Variants in WASF2 observed in about 807,000 individuals in gnomAD.
WASF2 encodes WASP family member 2, also known as actin-binding protein WASF2.
A neutral mutation model predicts 45.0 loss-of-function variants in WASF2; 14 were observed. That is an observed-to-expected ratio of 0.31 (90% CI 0.21 to 0.49). The LOEUF is 0.49. Ranked by LOEUF, WASF2 falls within the 20% of genes least tolerant of loss-of-function variation. WASF2 has a pLI of 0.99. For synonymous variants in WASF2, 200 were observed against 236.3 expected (o/e 0.85, Z 1.41); for missense variants, 439 against 636.1 (o/e 0.69, Z 3.33).
chr1:27,452,366 A>T (rs538075054), intron 1 of WASF2, among the ~76,000 whole-genome samples: 9 of 151,866 alleles, frequency 5.9e-5, no homozygotes, highest in Admixed American at 5.9e-4. Context: ...TACAAAAATT[A>T]GCTGGGCGTG....
intron 1 of WASF2, among the ~76,000 whole-genome samples, chr1:27,486,650 G>A (rs142581833): frequency 4.7e-4 from 72 of 152,248 alleles, no homozygotes; most frequent in African/African-American, 1.6e-3. Context: ...TCAGCTGGGC[G>A]TGGTGGCTCA....
At position 27,478,120 on chromosome 1, in the gene WASF2, G is replaced by A. The variant is rs1423214995; in HGVS notation, c.-44+11866C>T. ...AGAGACTTGGGAGGCTGAGGCAGAA[G>A]AACTGCTTGAACCCGGGAGGCAGAG... On this transcript the variant is annotated intron_variant, in intron 1 of 8. Transcript: ENST00000618852. 7.3e-5 allele frequency among the ~76,000 whole-genome samples: 11 copies of A among 150,956 alleles called. No homozygotes were observed. In the Admixed American group the frequency reaches 7.3e-4, roughly 10 times the overall value.
chr1:27,462,171 T>G (rs1481273391), intron 1 of WASF2, among the ~76,000 whole-genome samples: 3 of 151,414 alleles, frequency 2.0e-5, no homozygotes, highest in African/African-American at 7.3e-5. Context: ...AGAGATGGGG[T>G]TTCTCCATGC....
chr1:27,454,088 C>A (rs1456085720), intron 1 of WASF2, among the ~76,000 whole-genome samples: 1 of 141,640 alleles, frequency 7.1e-6, no homozygotes, highest in Non-Finnish European at 1.5e-5. Context: ...TCATATGACT[C>A]TAATATATAT....
intron 1 of WASF2, among the ~76,000 whole-genome samples, chr1:27,438,765 G>A (rs114816539): frequency 4.4e-4 from 67 of 152,266 alleles, no homozygotes; most frequent in Non-Finnish European, 7.4e-4. Context: ...GACAAGGAGT[G>A]GAATTATGGA....
At chr1:27,447,641 A>C (rs922537964) in intron 1 of WASF2, among the ~76,000 whole-genome samples, 1 of 152,220 alleles carries the variant, frequency 6.6e-6, no homozygotes, top group African/African-American at 2.4e-5. Flanking sequence ...CATCTCAAAC[A>C]CTAATGGATT....
rs572021649 is a variant in WASF2 at position 27,431,572 on chromosome 1, T to C, written c.-43-2639A>G. ...CCACTGGTAATCATTTGAGTACTCATTCCAGCTTCTCAGAGGAGCTAAAAG... is the reference window on the plus strand; with the variant it reads ...CCACTGGTAATCATTTGAGTACTCACTCCAGCTTCTCAGAGGAGCTAAAAG... On this transcript the variant is annotated intron_variant, in intron 1 of 8. Coordinates refer to ENST00000618852, the MANE Select transcript of WASF2 (RefSeq NM_006990.5). Among the ~76,000 whole-genome samples, 21 of 152,324 alleles carry C rather than the reference T, an allele frequency of 1.4e-4. No homozygotes were observed. In the East Asian group the frequency reaches 4.0e-3, roughly 29 times the overall value.
intron 1 of WASF2, among the ~76,000 whole-genome samples, chr1:27,455,672 T>C (rs367851664): frequency 2.0e-5 from 3 of 152,184 alleles, no homozygotes; most frequent in Non-Finnish European, 2.9e-5. Context: ...CTCAAGACAT[T>C]TGCCACTTCC....
chr1:27,486,535 C>A (rs1401197028), intron 1 of WASF2, among the ~76,000 whole-genome samples: 1 of 152,158 alleles, frequency 6.6e-6, no homozygotes, highest in Non-Finnish European at 1.5e-5. Flanking sequence ...ATGTCAAAAG[C>A]CAAACACATT....
At chr1:27,443,320 A>G (rs1306648337) in intron 1 of WASF2, among the ~76,000 whole-genome samples, 3 of 150,362 alleles carry the variant, frequency 2.0e-5, no homozygotes, top group African/African-American at 7.3e-5. Flanking sequence ...AAAAAAAAAA[A>G]AAAAAAAAAA....
chr1:27,442,110 TAAA>T (rs151067960), intron 1 of WASF2, among the ~76,000 whole-genome samples: 1 of 144,438 alleles, frequency 6.9e-6, no homozygotes, highest in African/African-American at 2.6e-5. Context: ...ACTTCATCTC[TAAA>T]AAAAAAATAG....
chr1:27,456,815 A>G (rs1456079895), intron 1 of WASF2, among the ~76,000 whole-genome samples: 4 of 149,986 alleles, frequency 2.7e-5, no homozygotes, highest in Admixed American at 2.0e-4. Flanking sequence ...GCTCCACTGC[A>G]ACCTCCGCCT....
intron 1 of WASF2, among the ~76,000 whole-genome samples, chr1:27,439,727 C>T (rs2017182659): frequency 6.6e-6 from 1 of 152,150 alleles, no homozygotes; most frequent in Non-Finnish European, 1.5e-5. Flanking sequence ...GGGCTGGGTG[C>T]AGTGGCTCAT....
At chr1:27,436,432 G>C (rs1016127131) in intron 1 of WASF2, among the ~76,000 whole-genome samples, 4 of 152,060 alleles carry the variant, frequency 2.6e-5, no homozygotes, top group Non-Finnish European at 5.9e-5. Flanking sequence ...ACTCCAGCCT[G>C]GGTGACAGAG....
At chr1:27,469,104 T>C (rs1277611287) in intron 1 of WASF2, among the ~76,000 whole-genome samples, 6 of 152,178 alleles carry the variant, frequency 3.9e-5, no homozygotes, top group Admixed American at 1.3e-4. Context: ...AGTGTGGTTA[T>C]GTTTTTTAAA....
At chr1:27,456,260 T>C (rs1048501880) in intron 1 of WASF2, among the ~76,000 whole-genome samples, 21 of 147,660 alleles carry the variant, frequency 1.4e-4, no homozygotes, top group Middle Eastern at 3.4e-3. Flanking sequence ...AGGCAGAGCT[T>C]GCAGTGGGCT....
At chr1:27,432,647 C>CAAAA (rs558826790) in intron 1 of WASF2, among the ~76,000 whole-genome samples, 1,730 of 50,996 alleles carry the variant, frequency 0.034, 321 homozygotes, top group Admixed American at 0.064. Flanking sequence ...AACTCTGTCT[C>CAAAA]AAAAAAAAAA....
intron 1 of WASF2, among the ~76,000 whole-genome samples, chr1:27,454,841 C>T (rs2017446470): frequency 6.6e-6 from 1 of 152,132 alleles, no homozygotes; most frequent in African/African-American, 2.4e-5. Context: ...TTAACTTATC[C>T]AATCTCAAGT....
chr1:27,423,140 CAAAAA>C (rs35025475), intron 2 of WASF2, among the ~76,000 whole-genome samples: 2 of 103,294 alleles, frequency 1.9e-5, no homozygotes, highest in African/African-American at 3.7e-5. Context: ...GACTCCATCT[CAAAAA>C]AAAAAAAAAA....
Sources: gnomAD v4.1 joint callset for allele counts (sites outside exome capture counted in the v4.1 genomes callset) on GRCh38, gnomAD v4.1.1 for gene constraint, MANE v1.5 for transcripts, NCBI Gene and HGNC (gene_info 2026-07-23, HGNC 2026-07-21) for gene names.